The following AGBL1 variants were observed in gnomAD, a reference collection of about 807,000 sequenced individuals.
AGBL1 encodes cytosolic carboxypeptidase 4.
In AGBL1, 130 loss-of-function variants were observed where a neutral mutation model predicts 118.9. The observed-to-expected ratio is 1.09, with a 90% CI of 0.95 to 1.26. The LOEUF is 1.26. Among genes scored for constraint, AGBL1 ranks in the 50% most tolerant of loss-of-function variants. The pLI, the probability that AGBL1 is intolerant of heterozygous loss-of-function variation, is 0.00. For synonymous variants in AGBL1, 555 were observed against 478.9 expected, an observed-to-expected ratio of 1.16 and a Z score of -2.08; for missense variants, 1,584 against 1,298.1, an observed-to-expected ratio of 1.22 and a Z score of -3.38.
At chr15:86,574,728 C>G (rs911135984) in intron 21 of AGBL1, among the ~76,000 whole-genome samples, 2 of 151,526 alleles carry the variant, frequency 1.3e-5, no homozygotes, top group Non-Finnish European at 2.9e-5. Flanking sequence ...CAGGCAAGCA[C>G]CACCACTCCT....
At chr15:86,132,701 G>A (rs536680698) in intron 1 of AGBL1, among the ~76,000 whole-genome samples, 7 of 152,236 alleles carry the variant, frequency 4.6e-5, no homozygotes, top group South Asian at 4.2e-4. Flanking sequence ...TATGATGACC[G>A]GAGACTTTGC....
intron 18 of AGBL1, among the ~76,000 whole-genome samples, chr15:86,469,678 C>G (rs1009710530): frequency 6.6e-6 from 1 of 152,056 alleles, no homozygotes; most frequent in African/African-American, 2.4e-5. Context: ...ATGCCGGTAC[C>G]AATTTGCTTG....
intron 5 of AGBL1, among the ~76,000 whole-genome samples, chr15:86,163,037 C>T (rs2141720436): frequency 6.6e-6 from 1 of 152,338 alleles, no homozygotes; most frequent in Non-Finnish European, 1.5e-5. Context: ...GGTGTCTTTT[C>T]TCCTCCCTAA....
chr15:86,376,254 C>A (rs2081039710), intron 17 of AGBL1, among the ~76,000 whole-genome samples: 1 of 152,074 alleles, frequency 6.6e-6, no homozygotes, highest in African/African-American at 2.4e-5. Context: ...ATATTTTTAC[C>A]CAAATTTCAA....
At chr15:86,254,414 A>C (rs1045733620) in intron 7 of AGBL1, among the ~76,000 whole-genome samples, 4 of 152,232 alleles carry the variant, frequency 2.6e-5, no homozygotes, top group African/African-American at 9.6e-5. Flanking sequence ...ATTTAAACTC[A>C]TGTAGTCTGG....
chr15:86,258,077 A>G, intron 9 of AGBL1, 46 bp downstream of exon 9: 1 of 1,576,136 alleles, frequency 6.3e-7, no homozygotes. Context: ...TAGTCACATC[A>G]TGCACAGAAA....
At chr15:87,011,529 C>T (rs1043703990) in intron 24 of AGBL1, among the ~76,000 whole-genome samples, 2 of 152,106 alleles carry the variant, frequency 1.3e-5, no homozygotes. Context: ...AAAATATTCC[C>T]CTTGTATTCC....
chr15:86,084,989 A>C (rs139090323), intron 1 of AGBL1, among the ~76,000 whole-genome samples: 2,838 of 152,336 alleles, frequency 0.019, 47 homozygotes, highest in South Asian at 0.043. Flanking sequence ...GAGAAAATTT[A>C]TAAGAAGTGG....
At position 86,272,413 on chromosome 15, in the gene AGBL1, T is replaced by C. The variant is rs557325260; in HGVS notation, c.2075+707T>C. Among the ~76,000 whole-genome samples, 8 of 152,308 alleles carry C rather than the reference T, an allele frequency of 5.3e-5. No homozygotes were observed. The East Asian group carries it at 1.5e-3, about 29-fold the overall frequency. On this transcript the variant is annotated intron_variant, in intron 15 of 22. Coordinates refer to ENST00000614907, the MANE Select transcript of AGBL1 (RefSeq NM_001386094.1). ...AGGGATTGCTATGAGAGGTAGAATATATATAATTAATTATTAGTTCAGTGC... is the reference window on the plus strand; with the variant it reads ...AGGGATTGCTATGAGAGGTAGAATACATATAATTAATTATTAGTTCAGTGC...
chr15:86,361,857 A>G (rs1471183627), intron 17 of AGBL1, among the ~76,000 whole-genome samples: 5 of 152,076 alleles, frequency 3.3e-5, no homozygotes, highest in Admixed American at 3.3e-4. Context: ...TGAGTTTCTT[A>G]TAGGCAGCAT....
At chr15:86,274,826 TCTTA>T (rs1483692040) in intron 15 of AGBL1, among the ~76,000 whole-genome samples, 1 of 152,178 alleles carries the variant, frequency 6.6e-6, no homozygotes, top group Non-Finnish European at 1.5e-5. Context: ...TTAATTTCTT[TCTTA>T]CTATCTAGAT....
chr15:86,839,831 A>C (rs2079220238), intron 22 of AGBL1, among the ~76,000 whole-genome samples: 1 of 152,206 alleles, frequency 6.6e-6, no homozygotes. Flanking sequence ...GCTGGGTTCC[A>C]GCTTCATATC....
At chr15:86,330,660 G>T (rs952886988) in intron 17 of AGBL1, among the ~76,000 whole-genome samples, 10 of 152,096 alleles carry the variant, frequency 6.6e-5, no homozygotes, top group African/African-American at 2.4e-4. Context: ...GACAGATAAA[G>T]AATTCAAAAT....
chr15:86,167,542 G>A (rs2141737898), intron 5 of AGBL1, among the ~76,000 whole-genome samples: 1 of 152,308 alleles, frequency 6.6e-6, no homozygotes, highest in Admixed American at 6.5e-5. Context: ...CGCCATGCCT[G>A]GCCCGGGAAC....
At chr15:86,711,796 T>C (rs1242603669) in intron 22 of AGBL1, among the ~76,000 whole-genome samples, 1 of 152,164 alleles carries the variant, frequency 6.6e-6, no homozygotes, top group Non-Finnish European at 1.5e-5. Context: ...CCACAAAGTC[T>C]AAATATTTAC....
intron 21 of AGBL1, among the ~76,000 whole-genome samples, chr15:86,661,078 G>A (rs1274183317): frequency 2.6e-5 from 4 of 152,136 alleles, no homozygotes; most frequent in African/African-American, 9.7e-5. Flanking sequence ...ACTGTGCAGG[G>A]ACAAGCAACC....
Position 86,089,985 on chromosome 15 carries a change from A to G in AGBL1, c.51+9962A>G, listed in dbSNP as rs79300613. 3.1e-3 allele frequency among the ~76,000 whole-genome samples: 466 copies of G among 152,308 alleles called. 16 individuals are homozygous for G. In the South Asian group the frequency reaches 0.067, roughly 22 times the overall value. On this transcript the variant is annotated intron_variant, in intron 1 of 22. Transcript: ENST00000614907. ...GAAAAATGGGCATTACAATTCAAGA[A>G]GTGTTTTTGTCAGGAACCCCTCACA...
At chr15:86,419,025 A>G (rs2081745104) in intron 18 of AGBL1, among the ~76,000 whole-genome samples, 1 of 152,178 alleles carries the variant, frequency 6.6e-6, no homozygotes, top group South Asian at 2.1e-4. Flanking sequence ...AGTAGATCAT[A>G]GATGGCAAAG....
At chr15:86,951,961 G>A (rs544271248) in intron 23 of AGBL1, among the ~76,000 whole-genome samples, 24 of 152,202 alleles carry the variant, frequency 1.6e-4, no homozygotes, top group African/African-American at 4.8e-4. Context: ...GGCTGGGCAC[G>A]GTGGCTCACG....
Sources: gnomAD v4.1 joint callset for allele counts (sites outside exome capture counted in the v4.1 genomes callset) on GRCh38, gnomAD v4.1.1 for gene constraint, MANE v1.5 for transcripts, NCBI Gene and HGNC (gene_info 2026-07-23, HGNC 2026-07-21) for gene names.